The following GLIS3 variants were observed in gnomAD, a reference collection of about 807,000 sequenced individuals.
GLIS3 encodes the protein zinc finger protein GLIS3.
A neutral mutation model predicts 78.6 loss-of-function variants in GLIS3; 53 were observed. The observed-to-expected ratio is 0.67, with a 90% CI of 0.54 to 0.85. GLIS3 has a LOEUF of 0.85. GLIS3 is among the 40% of genes least tolerant of loss of function. The probability of loss-of-function intolerance (pLI) is 0.00; values close to 1 mark genes in which losing one functional copy is unlikely to be tolerated. For missense variants in GLIS3, 1,703 were observed against 1,231.1 expected (o/e 1.38, Z -5.74); for synonymous variants, 684 against 509.9 (o/e 1.34, Z -4.60).
At chr9:4,401,746 C>T in the GLIS3 span, among the ~76,000 whole-genome samples, 1 of 150,484 alleles carries the variant, frequency 6.6e-6, no homozygotes, top group Non-Finnish European at 1.5e-5. Context: ...TGCATGCTAC[C>T]ATGCCCAGCT....
chr9:4,426,613 T>C, the GLIS3 span, among the ~76,000 whole-genome samples: 1 of 152,262 alleles, frequency 6.6e-6, no homozygotes, highest in African/African-American at 2.4e-5. Flanking sequence ...CTTGAACATC[T>C]GTTCCAGAAC....
the GLIS3 span, among the ~76,000 whole-genome samples, chr9:4,369,575 C>G: frequency 2.0e-5 from 3 of 152,162 alleles, no homozygotes; most frequent in Non-Finnish European, 4.4e-5. Flanking sequence ...CAGGTGTAGT[C>G]CTGGCTCTGA....
At chr9:4,397,894 T>G in the GLIS3 span, among the ~76,000 whole-genome samples, 1 of 151,928 alleles carries the variant, frequency 6.6e-6, no homozygotes, top group Non-Finnish European at 1.5e-5. Flanking sequence ...GCAAACAACT[T>G]CTGAATATCT....
chr9:4,350,637 GT>G (rs1439268993), upstream of GLIS3, among the ~76,000 whole-genome samples: 3 of 152,134 alleles, frequency 2.0e-5, no homozygotes, highest in Non-Finnish European at 4.4e-5. Flanking sequence ...AATCCAAAAT[GT>G]TAAATTGGAC....
intron 9 of GLIS3, among the ~76,000 whole-genome samples, chr9:3,840,106 A>C (rs1223347719): frequency 6.6e-6 from 1 of 152,184 alleles, no homozygotes; most frequent in East Asian, 1.9e-4. Context: ...GGTTGTGGAA[A>C]ATATTATGTA....
At chr9:3,867,275 C>T (rs1403164955) in intron 8 of GLIS3, among the ~76,000 whole-genome samples, 3 of 152,086 alleles carry the variant, frequency 2.0e-5, no homozygotes, top group South Asian at 2.1e-4. Flanking sequence ...TCTTTTCTTC[C>T]GGAGCCATTC....
At chr9:4,356,537 C>T in the GLIS3 span, among the ~76,000 whole-genome samples, 2 of 152,220 alleles carry the variant, frequency 1.3e-5, no homozygotes. Flanking sequence ...AAATTGAAGG[C>T]TTTGCCAAGT....
chr9:4,408,026 A>C, the GLIS3 span, among the ~76,000 whole-genome samples: 1 of 152,262 alleles, frequency 6.6e-6, no homozygotes, highest in African/African-American at 2.4e-5. Flanking sequence ...CAACATTAAT[A>C]ATCATCAGAG....
intron 2 of GLIS3, among the ~76,000 whole-genome samples, chr9:4,201,886 A>C (rs1187152692): frequency 6.6e-6 from 1 of 152,194 alleles, no homozygotes; most frequent in African/African-American, 2.4e-5. Context: ...CTGTAATTCC[A>C]GGAGTTTGAG....
At chr9:4,107,872 T>C (rs983083573) in intron 4 of GLIS3, among the ~76,000 whole-genome samples, 3 of 152,138 alleles carry the variant, frequency 2.0e-5, no homozygotes, top group Admixed American at 6.5e-5. Context: ...CATTTTATTA[T>C]GGGAAATTTC....
intron 2 of GLIS3, among the ~76,000 whole-genome samples, chr9:4,313,971 C>G (rs1817402898): frequency 6.6e-6 from 1 of 152,160 alleles, no homozygotes; most frequent in Non-Finnish European, 1.5e-5. Context: ...GAGTCACTGA[C>G]AAAATCAATA....
chr9:4,224,571 C>G (rs1432280698), intron 2 of GLIS3, among the ~76,000 whole-genome samples: 1 of 152,134 alleles, frequency 6.6e-6, no homozygotes, highest in African/African-American at 2.4e-5. Flanking sequence ...ACCGCATTGG[C>G]TACAGGAAAA....
intron 9 of GLIS3, among the ~76,000 whole-genome samples, chr9:3,837,166 CAAG>C (rs1193421665): frequency 6.6e-6 from 1 of 152,196 alleles, no homozygotes; most frequent in Non-Finnish European, 1.5e-5. Flanking sequence ...TGGCTATTTT[CAAG>C]AAGCACTGAC....
At chr9:4,225,119 T>G (rs766905943) in intron 2 of GLIS3, among the ~76,000 whole-genome samples, 6 of 151,630 alleles carry the variant, frequency 4.0e-5, no homozygotes, top group Non-Finnish European at 7.4e-5. Context: ...ATAAGGAAAA[T>G]GAGCCTCAGA....
At chr9:3,908,808 G>A (rs1823928448) in intron 6 of GLIS3, among the ~76,000 whole-genome samples, 1 of 128,500 alleles carries the variant, frequency 7.8e-6, no homozygotes, top group Non-Finnish European at 1.5e-5. Flanking sequence ...TCTCATTTCA[G>A]ATATGACTGA....
At chr9:3,970,082 C>G (rs1235953661) in intron 4 of GLIS3, among the ~76,000 whole-genome samples, 1 of 152,232 alleles carries the variant, frequency 6.6e-6, no homozygotes, top group Non-Finnish European at 1.5e-5. Context: ...GCTTTCGTCT[C>G]TGCCTAAATG....
chr9:4,045,648 T>C (rs1825188996), intron 4 of GLIS3, among the ~76,000 whole-genome samples: 1 of 152,110 alleles, frequency 6.6e-6, no homozygotes, highest in Admixed American at 6.6e-5. Flanking sequence ...AACTTTTCTT[T>C]TGTACATGCA....
chr9:4,307,727 T>C (rs147659116), intron 4 of GLIS3, among the ~76,000 whole-genome samples: 55 of 152,210 alleles, frequency 3.6e-4, no homozygotes, highest in East Asian at 2.1e-3. Context: ...AGCAGAAGCA[T>C]AGAGAAACTA....
chr9:4,384,255 T>C, the GLIS3 span, among the ~76,000 whole-genome samples: 1 of 152,154 alleles, frequency 6.6e-6, no homozygotes, highest in Non-Finnish European at 1.5e-5. Flanking sequence ...AGGAATCTTT[T>C]GAAACAACAG....
Sources: gnomAD v4.1 joint callset for allele counts (sites outside exome capture counted in the v4.1 genomes callset) on GRCh38, gnomAD v4.1.1 for gene constraint, MANE v1.5 for transcripts, NCBI Gene and HGNC (gene_info 2026-07-23, HGNC 2026-07-21) for gene names.